The following RAD51B variants were observed in gnomAD, a reference collection of about 807,000 sequenced individuals.
The protein encoded by RAD51B is RAD51 paralog B, also known as DNA repair protein RAD51 homolog 2.
Under a neutral mutation model 42.2 loss-of-function variants are expected in RAD51B, and 38 were observed. The ratio of observed to expected loss-of-function variants is 0.90; its 90% CI spans 0.70 to 1.18. The LOEUF (loss-of-function observed/expected upper bound fraction) is 1.18, where lower values mean the gene tolerates loss of function less well. Ranked by LOEUF, RAD51B falls within the 50% of genes most tolerant of loss-of-function variation. The pLI, the probability that RAD51B is intolerant of heterozygous loss-of-function variation, is 0.00. For missense variants in RAD51B, 373 were observed against 400.7 expected, an observed-to-expected ratio of 0.93 and a Z score of 0.59; for synonymous variants, 154 against 145.2, an observed-to-expected ratio of 1.06 and a Z score of -0.43.
intron 7 of RAD51B, among the ~76,000 whole-genome samples, chr14:68,096,707 T>A (rs752582403): frequency 1.3e-5 from 2 of 152,216 alleles, no homozygotes; most frequent in Non-Finnish European, 2.9e-5. Flanking sequence ...TTATTATGAA[T>A]CTTATATTTG....
At chr14:68,448,911 T>C (rs1010346429) in intron 9 of RAD51B, among the ~76,000 whole-genome samples, 2 of 152,150 alleles carry the variant, frequency 1.3e-5, no homozygotes, top group African/African-American at 4.8e-5. Context: ...AATCAAGCAA[T>C]ATAGTAGGAG....
At chr14:68,329,719 C>T (rs1001067360) in intron 8 of RAD51B, among the ~76,000 whole-genome samples, 5 of 152,210 alleles carry the variant, frequency 3.3e-5, no homozygotes, top group East Asian at 1.9e-4. Flanking sequence ...CGGTGGCTCA[C>T]GCCTATAATC....
chr14:68,291,488 C>T (rs1390334049), intron 7 of RAD51B, among the ~76,000 whole-genome samples: 1 of 152,220 alleles, frequency 6.6e-6, no homozygotes, highest in African/African-American at 2.4e-5. Context: ...AGGCATGAGC[C>T]ACTGTGCCTG....
intron 10 of RAD51B, among the ~76,000 whole-genome samples, chr14:68,510,385 G>A (rs1885644358): frequency 6.6e-6 from 1 of 152,180 alleles, no homozygotes; most frequent in South Asian, 2.1e-4. Flanking sequence ...GGAGGCTGGG[G>A]GCGGGGGAGT....
intron 7 of RAD51B, chr14:67,908,883 T>C (rs538596904): frequency 1.2e-4 from 18 of 152,250 alleles, no homozygotes; most frequent in African/African-American, 4.1e-4. Context: ...CCTGAGACCT[T>C]TTCAAGGAGA....
In RAD51B at chr14:68,052,281, A is replaced by G. The variant is rs371810527; in HGVS notation, c.756+165077A>G. On this transcript the variant is annotated intron_variant, in intron 7 of 10. Coordinates refer to ENST00000471583, the MANE Select transcript of RAD51B (RefSeq NM_133510.4). Reference sequence around the variant, plus strand: ...GTGTATTTCTTTGGCTTCTGCTATAATCAACAATAATAGTAATAATAACTA... The same window carrying G: ...GTGTATTTCTTTGGCTTCTGCTATAGTCAACAATAATAGTAATAATAACTA... Among the ~76,000 whole-genome samples the G allele has an allele frequency of 2.7e-4, 41 of 152,318 alleles. 1 individual carries two copies. In the South Asian group the frequency reaches 8.5e-3, roughly 32 times the overall value.
chr14:68,225,448 T>C (rs947938157), intron 7 of RAD51B, among the ~76,000 whole-genome samples: 1 of 152,220 alleles, frequency 6.6e-6, no homozygotes, highest in Non-Finnish European at 1.5e-5. Flanking sequence ...ATAACCTTCT[T>C]TCAGTCTAAA....
chr14:67,991,144 A>C (rs1033146517), intron 7 of RAD51B, among the ~76,000 whole-genome samples: 1 of 152,228 alleles, frequency 6.6e-6, no homozygotes, highest in African/African-American at 2.4e-5. Context: ...CCACTGCTGC[A>C]GTAGCCTGGG....
chr14:68,425,978 TCC>T (rs1491443023), intron 9 of RAD51B, among the ~76,000 whole-genome samples: 95 of 122,874 alleles, frequency 7.7e-4, no homozygotes, highest in Admixed American at 1.6e-3. Context: ...CTTTCTTTCT[TCC>T]TTCCTTCCTT....
intron 7 of RAD51B, among the ~76,000 whole-genome samples, chr14:68,065,608 C>T (rs2076637932): frequency 6.6e-6 from 1 of 152,112 alleles, no homozygotes; most frequent in Non-Finnish European, 1.5e-5. Context: ...AAGCAGGGAG[C>T]TAGCTGGCTG....
chr14:68,319,662 G>A (rs1031528605), intron 8 of RAD51B, among the ~76,000 whole-genome samples: 1 of 152,180 alleles, frequency 6.6e-6, no homozygotes, highest in Admixed American at 6.5e-5. Context: ...GGATGCTTCT[G>A]TGTTCCAGCT....
intron 8 of RAD51B, among the ~76,000 whole-genome samples, chr14:68,394,558 G>A (rs1566854776): frequency 2.0e-5 from 3 of 152,128 alleles, no homozygotes; most frequent in African/African-American, 7.2e-5. Flanking sequence ...AATAATATAA[G>A]GTTTCCTTGG....
At chr14:67,862,819 CT>C (rs2042205654) in intron 4 of RAD51B, among the ~76,000 whole-genome samples, 1 of 151,916 alleles carries the variant, frequency 6.6e-6, no homozygotes, top group South Asian at 2.1e-4. Flanking sequence ...GCAAACAGAT[CT>C]TTTATATAAG....
At chr14:68,620,926 T>C (rs1335962486) in intron 10 of RAD51B, among the ~76,000 whole-genome samples, 2 of 152,234 alleles carry the variant, frequency 1.3e-5, no homozygotes, top group Admixed American at 6.5e-5. Flanking sequence ...TTCATCAGGC[T>C]GTTTTGTATA....
chr14:68,241,664 G>T (rs940949919), intron 7 of RAD51B, among the ~76,000 whole-genome samples: 1 of 151,986 alleles, frequency 6.6e-6, no homozygotes, highest in African/African-American at 2.4e-5. Context: ...TTAGTTCTCA[G>T]GTTTTATTTT....
At chr14:68,090,461 G>A (rs1484711224) in intron 7 of RAD51B, among the ~76,000 whole-genome samples, 4 of 152,052 alleles carry the variant, frequency 2.6e-5, no homozygotes, top group Non-Finnish European at 5.9e-5. Flanking sequence ...ATACTTTTAA[G>A]ACTGTATGAG....
intron 7 of RAD51B, among the ~76,000 whole-genome samples, chr14:68,182,712 C>T (rs760159653): frequency 1.3e-5 from 2 of 152,174 alleles, no homozygotes; most frequent in Admixed American, 6.5e-5. Flanking sequence ...TTCTGAGATA[C>T]GTTTGCTAAC....
chr14:68,013,173 C>T (rs2075714231), intron 7 of RAD51B, among the ~76,000 whole-genome samples: 1 of 152,088 alleles, frequency 6.6e-6, no homozygotes, highest in African/African-American at 2.4e-5. Flanking sequence ...GGCCCCAGTT[C>T]CTCTCCACAT....
intron 7 of RAD51B, among the ~76,000 whole-genome samples, chr14:68,025,732 A>T (rs1197998120): frequency 2.0e-5 from 3 of 151,408 alleles, no homozygotes; most frequent in Admixed American, 6.6e-5. Flanking sequence ...CATCTTTGTT[A>T]TTTGTTTACT....
Sources: allele counts gnomAD v4.1 joint callset (sites outside exome capture counted in the v4.1 genomes callset), GRCh38; gene constraint gnomAD v4.1.1; transcripts MANE v1.5; gene names NCBI Gene and HGNC (gene_info 2026-07-23, HGNC 2026-07-21).